Variants in LIMCH1 observed in about 807,000 individuals in gnomAD.
LIMCH1 encodes LIM and calponin homology domains 1.
LIMCH1 carries 113 observed loss-of-function variants against 176.5 expected under a neutral mutation model. That is an observed-to-expected ratio of 0.64 (90% CI 0.55 to 0.75). The LOEUF is 0.75. Among genes scored for constraint, LIMCH1 ranks in the 30% least tolerant of loss-of-function variants. LIMCH1 has a pLI of 0.00. For synonymous variants in LIMCH1, 619 were observed against 645.9 expected, an observed-to-expected ratio of 0.96 and a Z score of 0.63; for missense variants, 1,674 against 1,814.9, an observed-to-expected ratio of 0.92 and a Z score of 1.41.
intron 1 of LIMCH1, among the ~76,000 whole-genome samples, chr4:41,442,583 A>G (rs1022970270): frequency 2.0e-5 from 3 of 152,230 alleles, no homozygotes; most frequent in African/African-American, 7.2e-5. Flanking sequence ...TGTGTGGGTT[A>G]CCATTGTGGG....
rs185742067 is a variant in LIMCH1 at position 41,391,610 on chromosome 4, T to A, written c.96+30674T>A. ...CATGGTGCTTCTGAAGAGCACTTCA[T>A]CTCTGTGGTATTCTTCTCCCAAATC... On this transcript the variant is annotated intron_variant, in intron 1 of 26. Transcript: ENST00000313860. Among the ~76,000 whole-genome samples the A allele has an allele frequency of 6.4e-4, 98 of 152,284 alleles. No homozygotes were observed. In the East Asian group the frequency reaches 0.017, roughly 26 times the overall value.
At chr4:41,600,983 G>A (rs565042148) in intron 2 of LIMCH1, among the ~76,000 whole-genome samples, 26 of 151,142 alleles carry the variant, frequency 1.7e-4, no homozygotes, top group South Asian at 6.3e-4. Context: ...TTTTAATCCC[G>A]TCTTTCCATC....
rs148891488 is a variant in LIMCH1, at chr4:41,597,791, A to G, written c.-240-1129A>G. On this transcript the variant is annotated intron_variant, in intron 1 of 31. Transcript: ENST00000503057. ...TCAACTTGCTAGTGACATATCACAG[A>G]GTTATAGCCCATCATATTCACAGAT... Among the ~76,000 whole-genome samples the G allele has an allele frequency of 7.9e-5, 12 of 152,314 alleles. 1 individual carries two copies. The highest frequency in any genetic ancestry group is 2.4e-4 in the African/African-American group (10 of 41,570).
intron 17 of LIMCH1, among the ~76,000 whole-genome samples, chr4:41,647,875 A>G (rs2094129946): frequency 6.6e-6 from 1 of 152,240 alleles, no homozygotes; most frequent in African/African-American, 2.4e-5. Context: ...TCTCATCTGG[A>G]TCACATTGAG....
chr4:41,631,753 C>T (rs2093337592), intron 10 of LIMCH1, among the ~76,000 whole-genome samples: 1 of 152,172 alleles, frequency 6.6e-6, no homozygotes, highest in Admixed American at 6.5e-5. Context: ...GCATCCAGTA[C>T]TATTTTATTA....
intron 1 of LIMCH1, among the ~76,000 whole-genome samples, chr4:41,567,173 C>A (rs2152571160): frequency 6.6e-6 from 1 of 152,162 alleles, no homozygotes; most frequent in East Asian, 1.9e-4. Flanking sequence ...GGGGGACCTG[C>A]TTGGATTTGA....
intron 1 of LIMCH1, among the ~76,000 whole-genome samples, chr4:41,416,741 G>T (rs1398888939): frequency 6.6e-6 from 1 of 151,832 alleles, no homozygotes; most frequent in African/African-American, 2.4e-5. Flanking sequence ...TATAGTATTA[G>T]GCAGCTGATA....
In LIMCH1 at chr4:41,631,277, G is replaced by C. The variant is rs1284743769; in HGVS notation, c.1401G>C (p.Lys467Asn). 2 of 1,536,096 alleles carry C rather than the reference G, an allele frequency of 1.3e-6. No homozygotes were observed. Among genetic ancestry groups the C allele is most frequent in the East Asian group, 2.4e-5 (1 of 40,910 alleles). Residue 467 changes from lysine (K) to asparagine (N), a missense_variant, in exon 10 of 32, where the codon AAG becomes AAC. Physicochemically the swap from Lys to Asn is moderately conservative, Grantham distance 94 (BLOSUM62 0). Around this residue, in one of 3 missense-constraint regions of LIMCH1, gnomAD observed 655 missense variants for 692.2 expected, o/e 0.95. Transcript: ENST00000503057. ...ASKKASSPRQ[K>N]FVHFGPVTEL... ...AGAAAGCTTCCAGCCCCAGGCAAAA[G>C]TTTGTGCACTTTGGGCCAGTGACGG... is the stretch of plus-strand genomic sequence containing the variant.
At chr4:41,466,272 A>G (rs1267173167) in intron 1 of LIMCH1, among the ~76,000 whole-genome samples, 2 of 152,146 alleles carry the variant, frequency 1.3e-5, no homozygotes, top group Non-Finnish European at 2.9e-5. Context: ...GGCTCTTCTT[A>G]GAATACCTTT....
At chr4:41,367,868 A>T (rs1237436290) in intron 1 of LIMCH1, among the ~76,000 whole-genome samples, 1 of 78,682 alleles carries the variant, frequency 1.3e-5, no homozygotes, top group Admixed American at 1.2e-4. Flanking sequence ...CTCCATCATA[A>T]AAAAAAAAAA....
chr4:41,399,772 C>T lies in LIMCH1; in HGVS notation c.96+38836C>T, dbSNP rs949379906. On this transcript the variant is annotated intron_variant, in intron 1 of 26. Transcript: ENST00000313860. ...TCTCGGTGTACCTCAACCTCTGCCT[C>T]CTGGGTTCAAGTGATTCTCCTGCTT... Among the ~76,000 whole-genome samples the T allele has an allele frequency of 2.8e-5, 4 of 141,242 alleles. No homozygotes were observed. In the Admixed American group the frequency reaches 3.0e-4, roughly 10 times the overall value. The allele number at this position is 141,242 out of a possible 152,430, so 92.7% of individuals were successfully genotyped here. A position where few individuals can be genotyped will look rare whatever the true frequency, so the allele number is the denominator to read the frequency against.
chr4:41,434,280 A>T (rs2061862673), intron 1 of LIMCH1, among the ~76,000 whole-genome samples: 1 of 152,186 alleles, frequency 6.6e-6, no homozygotes, highest in African/African-American at 2.4e-5. Flanking sequence ...GTGGCACTCT[A>T]AGGCCCTGGC....
intron 1 of LIMCH1, among the ~76,000 whole-genome samples, chr4:41,413,916 G>A (rs969941474): frequency 1.3e-5 from 2 of 152,132 alleles, no homozygotes; most frequent in African/African-American, 2.4e-5. Flanking sequence ...AGTAAACCGG[G>A]GTTAGCTGGT....
At chr4:41,472,569 G>A (rs2067134334) in intron 1 of LIMCH1, among the ~76,000 whole-genome samples, 1 of 151,994 alleles carries the variant, frequency 6.6e-6, no homozygotes, top group Admixed American at 6.6e-5. Context: ...ATAGGTGCAT[G>A]CCACCACACC....
At chr4:41,619,637 G>A (rs1467013364) in intron 6 of LIMCH1, 197 bp downstream of exon 6, 1 of 656,484 alleles carries the variant, frequency 1.5e-6, no homozygotes, top group Non-Finnish European at 2.5e-6. Flanking sequence ...CTAGAACAGT[G>A]CCTGGCACAC....
intron 1 of LIMCH1, among the ~76,000 whole-genome samples, chr4:41,412,914 G>A (rs995163760): frequency 3.3e-5 from 5 of 152,316 alleles, no homozygotes; most frequent in Admixed American, 3.3e-4. Context: ...GCTCAACTCT[G>A]GGGGTTACCA....
intron 1 of LIMCH1, among the ~76,000 whole-genome samples, chr4:41,450,433 G>T (rs550038052): frequency 6.6e-6 from 1 of 152,054 alleles, no homozygotes; most frequent in Admixed American, 6.6e-5. Context: ...CTTCATGAGC[G>T]TCTGTGGAGT....
chr4:41,450,493 A>G (rs1259723079), intron 1 of LIMCH1, among the ~76,000 whole-genome samples: 2 of 152,120 alleles, frequency 1.3e-5, no homozygotes, highest in African/African-American at 4.8e-5. Flanking sequence ...CATTTAATTT[A>G]GCAACGTAAA....
chr4:41,363,409 C>A (rs1192580855), intron 1 of LIMCH1, among the ~76,000 whole-genome samples: 1 of 152,092 alleles, frequency 6.6e-6, no homozygotes, highest in East Asian at 1.9e-4. Context: ...ATTAAATTTC[C>A]CATAGGTTTT....
Sources: gnomAD v4.1 joint callset for allele counts (sites outside exome capture counted in the v4.1 genomes callset) on GRCh38, gnomAD v4.1.1 for gene constraint, gnomAD v4.1.1 regional missense constraint, MANE v1.5 for transcripts, NCBI Gene and HGNC (gene_info 2026-07-23, HGNC 2026-07-21) for gene names.